MRPL39: variants seen among roughly 807,000 people sequenced by gnomAD.
MRPL39 encodes the protein large ribosomal subunit protein mL39.
Under a neutral mutation model 44.5 loss-of-function variants are expected in MRPL39, and 35 were observed. That is an observed-to-expected ratio of 0.79 (90% CI 0.60 to 1.04). The LOEUF (loss-of-function observed/expected upper bound fraction) is 1.04. MRPL39 is among the 50% of genes least tolerant of loss of function. The probability of loss-of-function intolerance (pLI) is 0.00; values close to 1 mark genes in which losing one functional copy is unlikely to be tolerated. For missense variants in MRPL39, 433 were observed against 413.5 expected, an observed-to-expected ratio of 1.05 and a Z score of -0.41; for synonymous variants, 139 against 136.1, an observed-to-expected ratio of 1.02 and a Z score of -0.15.
intron 6 of MRPL39, among the ~76,000 whole-genome samples, chr21:25,594,777 A>T (rs1000113119): frequency 1.3e-5 from 2 of 151,890 alleles, no homozygotes; most frequent in Non-Finnish European, 2.9e-5. Flanking sequence ...TATATCCAAG[A>T]CCCATTTGGA....
At chr21:25,600,391 G>A (rs9978751) in intron 4 of MRPL39, among the ~76,000 whole-genome samples, 91,242 of 122,884 alleles carry the variant, frequency 0.74, 33,284 homozygotes, top group Non-Finnish European at 0.83. Context: ...GCGAGACTCC[G>A]TCTTAAAAAA....
rs1358978876 is a variant in MRPL39, at chr21:25,602,575, G to A, written c.421-1108C>T. 2.6e-5 allele frequency among the ~76,000 whole-genome samples: 4 copies of A among 152,046 alleles called. No individual in the cohort carries two copies. The East Asian group carries it at 7.7e-4, about 29-fold the overall frequency. On this transcript the variant is annotated intron_variant, in intron 3 of 9. Transcript: ENST00000352957. ...CCTACTGTATGTATATCAAGAACTA[G>A]GTCCAATAAGGGAAATGGTCCCTAT...
intron 1 of MRPL39, 96 bp downstream of exon 1, chr21:25,607,307 G>A (rs1245834782): frequency 1.5e-6 from 2 of 1,358,422 alleles, no homozygotes; most frequent in Non-Finnish European, 2.1e-6. Context: ...TCCTTCCTCT[G>A]CCCCGCGGGA....
chr21:25,591,650 A>G lies in MRPL39; in HGVS notation c.921+1162T>C, dbSNP rs1313668447. 4.1e-5 allele frequency among the ~76,000 whole-genome samples: 3 copies of G among 72,696 alleles called. No homozygotes were observed. The East Asian group carries it at 8.7e-4, about 21-fold the overall frequency. The allele number at this position is 72,696 out of a possible 152,430, so 47.7% of individuals were successfully genotyped here. The stretch of plus-strand genomic sequence containing the variant: ...TCACTACAAACATATCAGAATGACT[A>G]AAACAAAAAAAAAAGTAGTGACAGC... On this transcript the variant is annotated intron_variant, in intron 8 of 9. Coordinates refer to ENST00000352957, the MANE Select transcript of MRPL39 (RefSeq NM_017446.4).
At position 25,601,448 on chromosome 21, in the gene MRPL39, G is replaced by C. The variant is rs760557507; in HGVS notation, c.440C>G (p.Ala147Gly). The C allele has an allele frequency of 8.2e-6, 13 of 1,591,368 alleles. No individual in the cohort carries two copies. The South Asian group carries it at 1.3e-4, about 16-fold the overall frequency. Reference protein sequence around the residue: ...EVNKAYWRSCAMMMGCVIERA... With the variant: ...EVNKAYWRSCGMMMGCVIERA... Reference sequence around the variant, plus strand: ...CTCTATCACACAGCCCATCATCATAGCACAGGAACGCCAATATGCCTAGAA... The same window carrying C: ...CTCTATCACACAGCCCATCATCATACCACAGGAACGCCAATATGCCTAGAA... The change falls in exon 4 of 10, where the codon GCT becomes GGT. Residue 147 changes from alanine to glycine, a missense_variant. Transcript: ENST00000352957.
intron 2 of MRPL39, 141 bp from the exon 3 acceptor site, chr21:25,604,076 C>T (rs1259035163): frequency 5.6e-6 from 4 of 710,942 alleles, no homozygotes; most frequent in Non-Finnish European, 8.9e-6. Context: ...TATATTACGT[C>T]TATAATCAAT....
chr21:25,592,707 C>CT (rs1446492450), intron 8 of MRPL39, 105 bp downstream of exon 8: 3 of 865,340 alleles, frequency 3.5e-6, no homozygotes, highest in Non-Finnish European at 4.8e-6. Flanking sequence ...TGTCACATAA[C>CT]TTAAGAAAAA....
Position 25,603,849 on chromosome 21 carries a change from A to G in MRPL39, c.367T>C (p.Cys123Arg). The change falls in exon 3 of 10, where the codon TGT (cysteine) becomes CGT (arginine). Residue 123 changes from cysteine to arginine, a missense_variant. Coordinates refer to ENST00000352957, the MANE Select transcript of MRPL39 (RefSeq NM_017446.4). ...TTGAAAGTAAGAAATTTAATTTCAC[A>G]GGACTTTGTTAAAGGCTTATACATG... ...WDMYKPLTKS[C>R]EIKFLTFKDC... 6.2e-7 allele frequency: 1 copy of G among 1,612,802 alleles called. No individual in the cohort carries two copies. The highest frequency in any genetic ancestry group is 8.5e-7 in the Non-Finnish European group (1 of 1,179,196).
chr21:25,607,357 C>A (rs750304384), intron 1 of MRPL39, 46 bp downstream of exon 1: 1 of 1,602,016 alleles, frequency 6.2e-7, no homozygotes, highest in African/African-American at 1.3e-5. Context: ...AGACAGACAC[C>A]ACTATCTAGG....
chr21:25,593,795 G>A, intron 7 of MRPL39, 98 bp downstream of exon 7: 1 of 1,025,376 alleles, frequency 9.8e-7, no homozygotes, highest in South Asian at 1.8e-5. Context: ...AACAAAATAA[G>A]ACACAAATTC....
In MRPL39 at chr21:25,606,673, T is replaced by C. The variant is rs2068739886; in HGVS notation, c.74-18A>G. On this transcript the variant is annotated intron_variant, in intron 1 of 9. Transcript: ENST00000352957. ...TATAAATCCTGTGGAGAAGTTACAA[T>C]AAATATGAAGACTGAAAAAATGATT... is the stretch of plus-strand genomic sequence containing the variant. 1.3e-5 allele frequency: 21 copies of C among 1,587,102 alleles called. No homozygotes were observed. The highest frequency in any genetic ancestry group is 1.8e-5 in the Non-Finnish European group (21 of 1,158,834).
intron 6 of MRPL39, among the ~76,000 whole-genome samples, chr21:25,594,249 C>CTTTTTTTTTTTTTTTT (rs34629790): frequency 1.8e-5 from 1 of 54,258 alleles, no homozygotes; most frequent in East Asian, 2.9e-4. Flanking sequence ...TTTCTTTGTT[C>CTTTTTTTTTTTTTTTT]TTTTTTTTTT....
intron 9 of MRPL39, chr21:25,587,736 C>A (rs373260041): frequency 1.2e-5 from 20 of 1,612,696 alleles, no homozygotes; most frequent in Non-Finnish European, 1.7e-5. Context: ...ACGACTCAGG[C>A]GAGGTAGTGA....
At chr21:25,588,776 G>T in intron 9 of MRPL39, 59 bp downstream of exon 9, 2 of 1,461,770 alleles carry the variant, frequency 1.4e-6, no homozygotes, top group South Asian at 1.2e-5. Flanking sequence ...GGTTGTTATT[G>T]GTTAATTTTG....
upstream of MRPL39, chr21:25,607,532 C>T: frequency 3.2e-6 from 5 of 1,567,706 alleles, no homozygotes; most frequent in Non-Finnish European, 3.5e-6. Flanking sequence ...CCCCGGAAAC[C>T]GAACGCGCAC....
chr21:25,604,980 A>C (rs960919400), intron 2 of MRPL39, among the ~76,000 whole-genome samples: 1 of 152,222 alleles, frequency 6.6e-6, no homozygotes, highest in African/African-American at 2.4e-5. Context: ...GTTTTGTCTT[A>C]TCCTCCTCTG....
chr21:25,607,466 G>T lies in MRPL39; in HGVS notation c.10C>A (p.Leu4Met). 6.2e-7 allele frequency: 1 copy of T among 1,612,202 alleles called. No individual in the cohort carries two copies. The highest frequency in any genetic ancestry group is 8.5e-7 in the Non-Finnish European group (1 of 1,179,928). The change falls in exon 1 of 10, where the codon CTG becomes ATG. Residue 4 changes from leucine to methionine, a missense_variant. By Grantham distance (15) the Leu-to-Met change is conservative. Coordinates refer to ENST00000352957, the MANE Select transcript of MRPL39 (RefSeq NM_017446.4). MEA[L>M]AMGSRALRLW... ...CGCAGCGCCCGGGAACCCATGGCCAGCGCCTCCATAGCAGCGGTGAGAACC... is the reference window on the plus strand; with the variant it reads ...CGCAGCGCCCGGGAACCCATGGCCATCGCCTCCATAGCAGCGGTGAGAACC...
intron 1 of MRPL39, 91 bp from the exon 2 acceptor site, chr21:25,606,746 A>G: frequency 3.1e-6 from 3 of 962,118 alleles, no homozygotes; most frequent in South Asian, 3.2e-5. Flanking sequence ...ACCAATTTGT[A>G]ATATTAACAA....
At chr21:25,597,765 T>C (rs916250443) in intron 5 of MRPL39, among the ~76,000 whole-genome samples, 1 of 152,076 alleles carries the variant, frequency 6.6e-6, no homozygotes, top group Non-Finnish European at 1.5e-5. Flanking sequence ...AATAAATAAA[T>C]AGCAAGACAT....
Sources: gnomAD v4.1 joint callset for allele counts (sites outside exome capture counted in the v4.1 genomes callset) on GRCh38, gnomAD v4.1.1 for gene constraint, MANE v1.5 for transcripts, NCBI Gene and HGNC (gene_info 2026-07-23, HGNC 2026-07-21) for gene names.